The following LMX1A variants were observed in gnomAD, a reference collection of about 807,000 sequenced individuals.
LMX1A encodes the protein LIM homeobox transcription factor 1 alpha, also known as LIM homeobox transcription factor 1-alpha.
Under a neutral mutation model 49.1 loss-of-function variants are expected in LMX1A, and 15 were observed. That is an observed-to-expected ratio of 0.31 (90% CI 0.20 to 0.47). LMX1A has a LOEUF of 0.47. Among genes scored for constraint, LMX1A ranks in the 20% least tolerant of loss-of-function variants. LMX1A has a pLI of 1.00. For missense variants in LMX1A, 372 were observed against 475.8 expected (o/e 0.78, Z 2.03); for synonymous variants, 167 against 185.7 (o/e 0.90, Z 0.82).
In LMX1A at chr1:165,210,737, G is replaced by A; in HGVS notation, c.709C>T (p.Arg237Cys). The A allele has an allele frequency of 1.9e-6, 3 of 1,613,922 alleles. No individual in the cohort carries two copies. Among genetic ancestry groups the A allele is most frequent in the Non-Finnish European group, 2.5e-6 (3 of 1,179,874 alleles). ...TLAAETGLSVRVVQVWFQNQR... is the reference protein window; with the variant it reads ...TLAAETGLSVCVVQVWFQNQR... ...TTTTGGAACCACACCTGGACGACAC[G>A]GACACTCAGCCCTGTCTCTGCAGCC... is the stretch of plus-strand genomic sequence containing the variant. The change falls in exon 6 of 9, where the codon CGT (arginine) becomes TGT (cysteine). Residue 237 changes from arginine to cysteine, a missense_variant. Coordinates refer to ENST00000342310, the MANE Select transcript of LMX1A (RefSeq NM_177398.4).
At chr1:165,275,836 G>GGTGTGTGT (rs71661277) in intron 3 of LMX1A, among the ~76,000 whole-genome samples, 7 of 128,354 alleles carry the variant, frequency 5.5e-5, no homozygotes, top group East Asian at 5.2e-4. Flanking sequence ...ATGGCGCTGG[G>GGTGTGTGT]GTGTGTGTGT....
At chr1:165,332,729 T>C (rs1827328) in intron 3 of LMX1A, among the ~76,000 whole-genome samples, 84,468 of 152,096 alleles carry the variant, frequency 0.56, 24,725 homozygotes, top group East Asian at 0.81. Context: ...AGTAATAAGA[T>C]GGAGTTTGGG....
At chr1:165,243,201 AAC>A (rs1652720822) in intron 4 of LMX1A, among the ~76,000 whole-genome samples, 2 of 152,310 alleles carry the variant, frequency 1.3e-5, no homozygotes, top group South Asian at 4.1e-4. Context: ...AAATTTAAAA[AAC>A]ATTTTTATTT....
chr1:165,337,822 A>G (rs2101758993), intron 3 of LMX1A, among the ~76,000 whole-genome samples: 1 of 151,446 alleles, frequency 6.6e-6, no homozygotes, highest in South Asian at 2.1e-4. Flanking sequence ...CCACTGACCC[A>G]ACATAGGCAT....
At chr1:165,206,609 G>A (rs1020457824) in intron 7 of LMX1A, among the ~76,000 whole-genome samples, 25 of 152,134 alleles carry the variant, frequency 1.6e-4, no homozygotes, top group Non-Finnish European at 2.6e-4. Context: ...AGCCATATGA[G>A]TTTGTGTTCT....
chr1:165,257,951 C>A (rs1428390314), intron 3 of LMX1A, among the ~76,000 whole-genome samples: 3 of 152,214 alleles, frequency 2.0e-5, no homozygotes, highest in African/African-American at 7.2e-5. Context: ...CCATCTGTAG[C>A]TTTGGACAGT....
intron 3 of LMX1A, among the ~76,000 whole-genome samples, chr1:165,256,820 G>A (rs1653257625): frequency 6.6e-6 from 1 of 151,916 alleles, no homozygotes; most frequent in Non-Finnish European, 1.5e-5. Flanking sequence ...AACTACTAGT[G>A]GACAAGTCTA....
intron 4 of LMX1A, among the ~76,000 whole-genome samples, chr1:165,218,070 C>A (rs1651705912): frequency 6.6e-6 from 1 of 152,192 alleles, no homozygotes; most frequent in South Asian, 2.1e-4. Flanking sequence ...ATGGGCATGG[C>A]TGTGTTCCAA....
At chr1:165,232,574 T>C (rs1323921695) in intron 4 of LMX1A, among the ~76,000 whole-genome samples, 1 of 152,300 alleles carries the variant, frequency 6.6e-6, no homozygotes, top group Admixed American at 6.5e-5. Flanking sequence ...AGCACACACT[T>C]CTACAAAGAT....
chr1:165,345,263 G>A (rs1416699888), intron 3 of LMX1A, among the ~76,000 whole-genome samples: 1 of 152,222 alleles, frequency 6.6e-6, no homozygotes, highest in African/African-American at 2.4e-5. Context: ...CGTGGCTGCT[G>A]TGCAACTGAA....
At position 165,325,392 on chromosome 1, in the gene LMX1A, T is replaced by C. The variant is rs533222263; in HGVS notation, c.263+27684A>G. ...GATAACTAGATGAGGATAGTATAAT[T>C]CCTTTCCTTCATTGTTCAATTTAGA... On this transcript the variant is annotated intron_variant, in intron 3 of 8. Transcript: ENST00000342310. Among the ~76,000 whole-genome samples, 4 of 152,310 alleles carry C rather than the reference T, an allele frequency of 2.6e-5. No individual in the cohort carries two copies. The East Asian group carries it at 7.7e-4, about 29-fold the overall frequency.
At chr1:165,282,106 T>A (rs865901379) in intron 3 of LMX1A, among the ~76,000 whole-genome samples, 8 of 152,288 alleles carry the variant, frequency 5.3e-5, no homozygotes, top group Middle Eastern at 3.4e-3. Flanking sequence ...GGGCCCCAGA[T>A]TTGTGTTTCT....
At chr1:165,313,471 C>CTTTTTTTTTTTTT (rs34912339) in intron 3 of LMX1A, among the ~76,000 whole-genome samples, 228 of 114,686 alleles carry the variant, frequency 2.0e-3, no homozygotes, top group Non-Finnish European at 3.0e-3. Context: ...CACCTTCTTC[C>CTTTTTTTTTTTTT]TTTTTTTTTT....
intron 4 of LMX1A, among the ~76,000 whole-genome samples, chr1:165,221,178 A>G (rs886334071): frequency 1.3e-5 from 2 of 152,094 alleles, no homozygotes; most frequent in Non-Finnish European, 2.9e-5. Flanking sequence ...GGGTTGTTGT[A>G]AAGATCCAAG....
At chr1:165,206,828 T>G (rs897035307) in intron 7 of LMX1A, among the ~76,000 whole-genome samples, 80 of 152,330 alleles carry the variant, frequency 5.3e-4, no homozygotes, top group African/African-American at 1.9e-3. Context: ...ACCTATGCCC[T>G]GTTTTATTTC....
chr1:165,281,847 G>T (rs777732761), intron 3 of LMX1A, among the ~76,000 whole-genome samples: 1 of 151,886 alleles, frequency 6.6e-6, no homozygotes, highest in Admixed American at 6.6e-5. Context: ...GTTACCTGTC[G>T]ACTGACCAGC....
At chr1:165,230,843 T>C (rs1652216256) in intron 4 of LMX1A, among the ~76,000 whole-genome samples, 1 of 152,118 alleles carries the variant, frequency 6.6e-6, no homozygotes, top group East Asian at 1.9e-4. Context: ...CCATTCCAAG[T>C]GTCTGTCACA....
chr1:165,352,621 C>T (rs1037700814), intron 3 of LMX1A, among the ~76,000 whole-genome samples: 2 of 152,282 alleles, frequency 1.3e-5, no homozygotes, highest in Non-Finnish European at 2.9e-5. Flanking sequence ...ACAGTCTCAC[C>T]GCAAGGCACA....
chr1:165,347,197 A>G (rs981886680), intron 3 of LMX1A, among the ~76,000 whole-genome samples: 4 of 152,158 alleles, frequency 2.6e-5, no homozygotes, highest in African/African-American at 9.7e-5. Flanking sequence ...CACAAAGGGG[A>G]AAAAAGGCAT....
Sources: allele counts gnomAD v4.1 joint callset (sites outside exome capture counted in the v4.1 genomes callset), GRCh38; gene constraint gnomAD v4.1.1; transcripts MANE v1.5; gene names NCBI Gene and HGNC (gene_info 2026-07-23, HGNC 2026-07-21).